Variants in DENND1A observed in about 807,000 individuals in gnomAD.
The protein encoded by DENND1A is DENN domain-containing protein 1A.
In DENND1A, 51 loss-of-function variants were observed where a neutral mutation model predicts 113.7. That is an observed-to-expected ratio of 0.45 (90% CI 0.36 to 0.57). The LOEUF is 0.57. DENND1A is among the 20% of genes least tolerant of loss of function. The pLI, the probability that DENND1A is intolerant of heterozygous loss-of-function variation, is 0.00. For synonymous variants in DENND1A, 565 were observed against 570.8 expected (o/e 0.99, Z 0.14); for missense variants, 1,258 against 1,395.9 (o/e 0.90, Z 1.57).
chr9:123,833,569 A>T (rs1443922100), intron 2 of DENND1A, among the ~76,000 whole-genome samples: 1 of 152,092 alleles, frequency 6.6e-6, no homozygotes, highest in Non-Finnish European at 1.5e-5. Flanking sequence ...TGGTTAGTAA[A>T]AAAAAGTCAT....
At chr9:123,581,446 C>A (rs1048394212) in intron 12 of DENND1A, among the ~76,000 whole-genome samples, 1 of 151,984 alleles carries the variant, frequency 6.6e-6, no homozygotes, top group Admixed American at 6.6e-5. Flanking sequence ...CCAGTCTGGG[C>A]AACACAGCAA....
chr9:123,667,218 A>C (rs1250763844), intron 7 of DENND1A, 139 bp from the exon 8 acceptor site: 13 of 810,154 alleles, frequency 1.6e-5, no homozygotes, highest in Non-Finnish European at 2.5e-5. Flanking sequence ...CACCCATGGA[A>C]TATTTTCTTT....
chr9:123,772,059 G>A (rs577228987), intron 3 of DENND1A, among the ~76,000 whole-genome samples: 104 of 152,176 alleles, frequency 6.8e-4, no homozygotes, highest in African/African-American at 2.1e-3. Context: ...ACATATTATC[G>A]CAATTGGAAC....
At chr9:123,437,955 C>T (rs1332874884) in intron 19 of DENND1A, 2 of 151,980 alleles carry the variant, frequency 1.3e-5, no homozygotes, top group African/African-American at 4.8e-5. Context: ...GTATATCAAG[C>T]CTATAATTTT....
At chr9:123,916,213 T>C (rs954666050) in intron 1 of DENND1A, among the ~76,000 whole-genome samples, 1 of 151,964 alleles carries the variant, frequency 6.6e-6, no homozygotes, top group African/African-American at 2.4e-5. Flanking sequence ...TACAGAGAAA[T>C]GAGGAAGAGC....
intron 13 of DENND1A, among the ~76,000 whole-genome samples, chr9:123,464,618 G>C (rs781000558): frequency 9.2e-5 from 14 of 151,964 alleles, no homozygotes; most frequent in Non-Finnish European, 1.8e-4. Context: ...ACTGAGTTTC[G>C]GTTTCGCCAG....
intron 18 of DENND1A, among the ~76,000 whole-genome samples, chr9:123,442,784 T>A (rs2047024197): frequency 6.6e-6 from 1 of 152,236 alleles, no homozygotes; most frequent in Non-Finnish European, 1.5e-5. Context: ...TAACTAGTTG[T>A]CTAATCTTTC....
intron 9 of DENND1A, among the ~76,000 whole-genome samples, chr9:123,630,895 GA>G (rs2061447017): frequency 6.6e-6 from 1 of 152,020 alleles, no homozygotes; most frequent in Non-Finnish European, 1.5e-5. Flanking sequence ...CTTAGAAAAA[GA>G]TATCTCTTAA....
chr9:123,744,517 G>C (rs149136830), intron 5 of DENND1A, among the ~76,000 whole-genome samples: 77 of 152,242 alleles, frequency 5.1e-4, no homozygotes, highest in African/African-American at 1.6e-3. Flanking sequence ...TAAAGGTTTT[G>C]AATATATATT....
At chr9:123,545,843 A>G (rs868218123) in intron 13 of DENND1A, among the ~76,000 whole-genome samples, 1 of 152,058 alleles carries the variant, frequency 6.6e-6, no homozygotes, top group Admixed American at 6.5e-5. Flanking sequence ...CAGGCTGCAA[A>G]TTGTCAAATG....
intron 11 of DENND1A, among the ~76,000 whole-genome samples, chr9:123,589,861 G>A (rs957031598): frequency 6.6e-6 from 1 of 152,186 alleles, no homozygotes. Flanking sequence ...GGAGTGGTCA[G>A]GGGCAGCTGA....
rs760867626 is a variant in DENND1A, at chr9:123,609,440, A to G, written c.761T>C (p.Met254Thr). The change falls in exon 11 of 24, where the codon ATG becomes ACG. Residue 254 changes from methionine (M) to threonine (T), a missense_variant. Physicochemically the swap from Met to Thr is moderately conservative, Grantham distance 81 (BLOSUM62 -1). This residue lies in a region of DENND1A where 1,159 missense variants were observed against 1,231.7 expected (regional missense o/e 0.94). Coordinates refer to ENST00000394215, the MANE Select transcript of DENND1A (RefSeq NM_001352964.2). The stretch of plus-strand genomic sequence containing the variant: ...GGAGGAAAGAAGCCAACTTACCTCC[A>G]TTAAACTTAAATGGATTCCTATGAG... ...PYLIGIHLSL[M>T]EKVRNMALDD... is the part of the protein sequence containing the mutation. 3 of 1,613,774 alleles carry G rather than the reference A, an allele frequency of 1.9e-6. No homozygotes were observed. The highest frequency in any genetic ancestry group is 2.2e-5 in the East Asian group (1 of 44,882).
chr9:123,418,400 G>A (rs962475916), intron 19 of DENND1A, among the ~76,000 whole-genome samples: 3 of 152,198 alleles, frequency 2.0e-5, no homozygotes, highest in Non-Finnish European at 2.9e-5. Context: ...ATATGAAACC[G>A]GCATTTATGA....
chr9:123,679,178 G>T (rs1266616021), intron 5 of DENND1A, among the ~76,000 whole-genome samples: 1 of 152,200 alleles, frequency 6.6e-6, no homozygotes, highest in African/African-American at 2.4e-5. Flanking sequence ...AATCATTTTA[G>T]AAATATTTGG....
intron 13 of DENND1A, among the ~76,000 whole-genome samples, chr9:123,526,564 C>T (rs942009645): frequency 2.0e-5 from 3 of 152,222 alleles, no homozygotes; most frequent in Non-Finnish European, 4.4e-5. Flanking sequence ...CTGGACTCTA[C>T]CTCCGCCACC....
At chr9:123,489,740 G>C (rs923048980) in intron 13 of DENND1A, among the ~76,000 whole-genome samples, 1 of 152,228 alleles carries the variant, frequency 6.6e-6, no homozygotes, top group Non-Finnish European at 1.5e-5. Flanking sequence ...GGCTACTTTA[G>C]ACACAGCACA....
chr9:123,811,328 C>T (rs934233004), intron 2 of DENND1A, among the ~76,000 whole-genome samples: 4 of 152,198 alleles, frequency 2.6e-5, no homozygotes, highest in Admixed American at 2.0e-4. Flanking sequence ...ACTGAAGGAT[C>T]TGGGGAAATA....
At chr9:123,406,915 AAAGGCGGGTT>A (rs1384186787) in intron 20 of DENND1A, among the ~76,000 whole-genome samples, 2 of 152,094 alleles carry the variant, frequency 1.3e-5, no homozygotes, top group African/African-American at 2.4e-5. Context: ...TTGCTACAAT[AAAGGCGGGTT>A]AAGAATGTGA....
intron 21 of DENND1A, among the ~76,000 whole-genome samples, chr9:123,402,236 A>ACACGTG: frequency 7.7e-6 from 1 of 129,098 alleles, no homozygotes. Context: ...GTGCAAGCGC[A>ACACGTG]CACGTGCACA....
Sources: gnomAD v4.1 joint callset for allele counts (sites outside exome capture counted in the v4.1 genomes callset) on GRCh38, gnomAD v4.1.1 for gene constraint, gnomAD v4.1.1 regional missense constraint, MANE v1.5 for transcripts, NCBI Gene and HGNC (gene_info 2026-07-23, HGNC 2026-07-21) for gene names.